The following SCAPER variants were observed in gnomAD, a reference collection of about 807,000 sequenced individuals.
The protein encoded by SCAPER is S-phase cyclin A associated protein in the ER.
In SCAPER, 98 loss-of-function variants were observed where a neutral mutation model predicts 182.2. The ratio of observed to expected loss-of-function variants is 0.54; its 90% CI spans 0.46 to 0.64. The LOEUF (loss-of-function observed/expected upper bound fraction) is 0.64. Ranked by LOEUF, SCAPER falls within the 30% of genes least tolerant of loss-of-function variation. The pLI is 0.00. For synonymous variants in SCAPER, 605 were observed against 564.6 expected (o/e 1.07, Z -1.01); for missense variants, 1,432 against 1,690.0 (o/e 0.85, Z 2.68).
chr15:76,727,392 C>T (rs1487867103), intron 17 of SCAPER, among the ~76,000 whole-genome samples: 1 of 151,998 alleles, frequency 6.6e-6, no homozygotes, highest in African/African-American at 2.4e-5. Flanking sequence ...AGATGACAAA[C>T]AAATTCATCA....
At chr15:76,800,149 A>C in intron 7 of SCAPER, 99 bp downstream of exon 7, 1 of 665,994 alleles carries the variant, frequency 1.5e-6, no homozygotes, top group Non-Finnish European at 2.6e-6. Flanking sequence ...TAACATATAC[A>C]TGGATATTTT....
chr15:76,507,775 T>A (rs2041717188), intron 23 of SCAPER, among the ~76,000 whole-genome samples: 1 of 152,156 alleles, frequency 6.6e-6, no homozygotes, highest in Admixed American at 6.6e-5. Flanking sequence ...ATTAATAATT[T>A]TGTTATTAAT....
intron 25 of SCAPER, among the ~76,000 whole-genome samples, chr15:76,456,899 T>C (rs1405434282): frequency 6.6e-6 from 1 of 152,238 alleles, no homozygotes; most frequent in Non-Finnish European, 1.5e-5. Flanking sequence ...GATATTAATA[T>C]AGCTACTTCT....
At chr15:76,647,828 G>A (rs1188186253) in intron 21 of SCAPER, among the ~76,000 whole-genome samples, 1 of 152,162 alleles carries the variant, frequency 6.6e-6, no homozygotes, top group African/African-American at 2.4e-5. Flanking sequence ...TAGTCATTCT[G>A]TAGAGAGTTC....
intron 23 of SCAPER, among the ~76,000 whole-genome samples, chr15:76,539,288 T>C (rs2044500770): frequency 6.6e-6 from 1 of 152,210 alleles, no homozygotes; most frequent in African/African-American, 2.4e-5. Context: ...CAATGTATTA[T>C]AGGTACGTTT....
chr15:76,662,774 C>T (rs917822071), intron 21 of SCAPER, among the ~76,000 whole-genome samples: 3 of 151,806 alleles, frequency 2.0e-5, no homozygotes, highest in Non-Finnish European at 2.9e-5. Flanking sequence ...AAAAATAAAC[C>T]TGGACCCATA....
intron 14 of SCAPER, among the ~76,000 whole-genome samples, chr15:76,757,072 C>G (rs2062482249): frequency 6.6e-6 from 1 of 152,130 alleles, no homozygotes; most frequent in Non-Finnish European, 1.5e-5. Flanking sequence ...AATGGTTTTC[C>G]TCTTCTAATC....
chr15:76,850,577 T>C, intron 4 of SCAPER, among the ~76,000 whole-genome samples: 1 of 151,912 alleles, frequency 6.6e-6, no homozygotes, highest in Admixed American at 6.6e-5. Flanking sequence ...ATGACAGAAA[T>C]AGAATTCAGA....
At chr15:76,510,866 T>C (rs111240050) in intron 23 of SCAPER, among the ~76,000 whole-genome samples, 542 of 38,438 alleles carry the variant, frequency 0.014, 1 homozygote, top group African/African-American at 0.035. Flanking sequence ...GGTGCGCGCG[T>C]GTGTGTGTGT....
At chr15:76,403,184 G>A (rs2044588851) in intron 27 of SCAPER, among the ~76,000 whole-genome samples, 1 of 152,212 alleles carries the variant, frequency 6.6e-6, no homozygotes, top group African/African-American at 2.4e-5. Context: ...AACTAGCTGG[G>A]CAGCATGGTG....
chr15:76,758,723 GA>G (rs1219485423), intron 14 of SCAPER, among the ~76,000 whole-genome samples: 33 of 152,080 alleles, frequency 2.2e-4, no homozygotes, highest in Non-Finnish European at 3.4e-4. Context: ...CATGAACAGG[GA>G]TATCTTTCTA....
At chr15:76,621,059 C>CA (rs1279079346) in intron 22 of SCAPER, among the ~76,000 whole-genome samples, 1 of 152,090 alleles carries the variant, frequency 6.6e-6, no homozygotes, top group Non-Finnish European at 1.5e-5. Context: ...TATCTGAGCA[C>CA]ATTTTGCGCT....
At chr15:76,718,135 A>G (rs2059990691) in intron 17 of SCAPER, among the ~76,000 whole-genome samples, 1 of 152,220 alleles carries the variant, frequency 6.6e-6, no homozygotes. Flanking sequence ...TGAAAATTTC[A>G]TAAATAAATG....
At chr15:76,461,127 C>G (rs950451815) in intron 25 of SCAPER, among the ~76,000 whole-genome samples, 2 of 151,928 alleles carry the variant, frequency 1.3e-5, no homozygotes, top group African/African-American at 4.8e-5. Flanking sequence ...AATTTTTGGT[C>G]TGATGTTTTC....
chr15:76,858,164 A>G lies in SCAPER; in HGVS notation c.125-285T>C, dbSNP rs568426780. 7.2e-5 allele frequency among the ~76,000 whole-genome samples: 11 copies of G among 152,344 alleles called. No individual in the cohort carries two copies. In the East Asian group the frequency reaches 2.1e-3, roughly 29 times the overall value. On this transcript the variant is annotated intron_variant, in intron 3 of 31. Coordinates refer to ENST00000563290, the MANE Select transcript of SCAPER (RefSeq NM_020843.4). ...TAAATCAACATCTTAAAGAAGTCAG[A>G]TACTCTGACAACTTTTAAAAACAAA... is the stretch of plus-strand genomic sequence containing the variant.
intron 20 of SCAPER, among the ~76,000 whole-genome samples, chr15:76,694,073 T>G (rs1291943217): frequency 1.4e-5 from 2 of 140,722 alleles, no homozygotes; most frequent in Non-Finnish European, 3.1e-5. Flanking sequence ...GCTACTCAGG[T>G]TTTTTTTTTT....
chr15:76,846,847 G>C (rs376518045), intron 4 of SCAPER, among the ~76,000 whole-genome samples: 1 of 152,118 alleles, frequency 6.6e-6, no homozygotes. Context: ...CAAACCCACT[G>C]CTGGGTATAT....
chr15:76,732,774 C>G (rs1362888925), intron 16 of SCAPER, among the ~76,000 whole-genome samples: 1 of 152,214 alleles, frequency 6.6e-6, no homozygotes, highest in Non-Finnish European at 1.5e-5. Flanking sequence ...CATGTTCCAT[C>G]CTGTACACTT....
chr15:76,580,618 A>T (rs995070066), intron 22 of SCAPER, among the ~76,000 whole-genome samples: 1 of 152,122 alleles, frequency 6.6e-6, no homozygotes, highest in African/African-American at 2.4e-5. Context: ...TGAAAATATT[A>T]TAATGGAAAC....
Sources: allele counts gnomAD v4.1 joint callset (sites outside exome capture counted in the v4.1 genomes callset), GRCh38; gene constraint gnomAD v4.1.1; transcripts MANE v1.5; gene names NCBI Gene and HGNC (gene_info 2026-07-23, HGNC 2026-07-21).